The following ZNF138 variants were observed in gnomAD, a reference collection of about 807,000 sequenced individuals.
The protein encoded by ZNF138 is zinc finger protein 138 (clone pHZ-32).
In ZNF138, 33 loss-of-function variants were observed where a neutral mutation model predicts 33.0. The observed-to-expected ratio is 1.00, with a 90% CI of 0.76 to 1.34. ZNF138 has a LOEUF of 1.34. ZNF138 is among the 40% of genes most tolerant of loss of function. The pLI is 0.00. For synonymous variants in ZNF138, 139 were observed against 120.4 expected (o/e 1.15, Z -1.01); for missense variants, 360 against 370.8 (o/e 0.97, Z 0.24).
At chr7:64,827,962 G>T (rs150737685) in intron 3 of ZNF138, among the ~76,000 whole-genome samples, 30 of 152,094 alleles carry the variant, frequency 2.0e-4, no homozygotes, top group African/African-American at 6.7e-4. Context: ...GTCTACTGCC[G>T]ATATAATTCT....
At chr7:64,822,302 C>T (rs1253785155) in intron 3 of ZNF138, among the ~76,000 whole-genome samples, 1 of 151,488 alleles carries the variant, frequency 6.6e-6, no homozygotes, top group African/African-American at 2.4e-5. Context: ...ATATTGAAGT[C>T]TAGTGTAGTT....
At chr7:64,819,581 G>T (rs1788946916) in intron 3 of ZNF138, among the ~76,000 whole-genome samples, 1 of 151,840 alleles carries the variant, frequency 6.6e-6, no homozygotes, top group Non-Finnish European at 1.5e-5. Context: ...GTTGCCCAGG[G>T]TGATCTCAAA....
chr7:64,825,154 CTTTTTTTTTTTTTTTTTTTTTTTT>C (rs71061316), intron 3 of ZNF138, among the ~76,000 whole-genome samples: 8 of 45,988 alleles, frequency 1.7e-4, no homozygotes, highest in South Asian at 2.1e-3. Flanking sequence ...GTTGTATGCT[CTTTTTTTTTTTTTTTTTTTTTTTT>C]TTTTTTTTTT....
At chr7:64,851,461 G>A in the ZNF138 span, among the ~76,000 whole-genome samples, 3 of 152,226 alleles carry the variant, frequency 2.0e-5, no homozygotes, top group East Asian at 5.8e-4. Flanking sequence ...ACAAAATAAT[G>A]CTAAGAATTA....
chr7:64,810,179 A>G (rs1233988289), intron 1 of ZNF138, among the ~76,000 whole-genome samples: 2 of 139,736 alleles, frequency 1.4e-5, no homozygotes, highest in African/African-American at 5.3e-5. Flanking sequence ...TTGAGCACTG[A>G]GTGAACGAGA....
chr7:64,806,900 A>G (rs975131680), intron 1 of ZNF138, among the ~76,000 whole-genome samples: 2 of 152,228 alleles, frequency 1.3e-5, no homozygotes, highest in East Asian at 1.9e-4. Context: ...ACTGGCCCCA[A>G]AAACTGGCCA....
At chr7:64,799,684 C>T (rs1265214628) in intron 1 of ZNF138, among the ~76,000 whole-genome samples, 1 of 152,048 alleles carries the variant, frequency 6.6e-6, no homozygotes, top group Non-Finnish European at 1.5e-5. Context: ...GCTCTTGTTG[C>T]CCAGGCTGGA....
chr7:64,832,230 A>C lies in ZNF138; in HGVS notation c.*28A>C, dbSNP rs750773897. ...ACTTACTGAACATAAGAAAATTTAC[A>C]CTAGAGAGAAAGCCTACAAATGTGA... On this transcript the variant is annotated 3_prime_UTR_variant, in exon 4 of 4. Transcript: ENST00000307355. 2.5e-6 allele frequency: 4 copies of C among 1,602,446 alleles called. No homozygotes were observed.
At position 64,815,563 on chromosome 7, in the gene ZNF138, A is replaced by G. The variant is rs372750425; in HGVS notation, c.131-13A>G. 2.4e-4 allele frequency: 386 copies of G among 1,604,586 alleles called. No individual in the cohort carries two copies. Among genetic ancestry groups the G allele is most frequent in the Middle Eastern group, 1.0e-3 (6 of 6,026 alleles). On this transcript the variant is annotated splice_polypyrimidine_tract_variant and intron_variant, in intron 2 of 3. Transcript: ENST00000307355. ...TATTTTTAATAAAACAAGTATTGCT[A>G]TCTCTAAGCCAGACCTGATTACCTG...
At chr7:64,801,995 C>G (rs1416283692) in intron 1 of ZNF138, among the ~76,000 whole-genome samples, 1 of 152,118 alleles carries the variant, frequency 6.6e-6, no homozygotes, top group Non-Finnish European at 1.5e-5. Flanking sequence ...ATATGAGTGA[C>G]CATGGCCTGT....
At chr7:64,858,362 A>G in the ZNF138 span, among the ~76,000 whole-genome samples, 1 of 152,188 alleles carries the variant, frequency 6.6e-6, no homozygotes, top group African/African-American at 2.4e-5. Flanking sequence ...AAAGAGGAGG[A>G]TGCAGATAGA....
downstream of ZNF138, among the ~76,000 whole-genome samples, chr7:64,834,678 T>A (rs528586027): frequency 7.1e-4 from 108 of 152,280 alleles, 2 homozygotes; most frequent in African/African-American, 2.6e-3. Context: ...GTTTTTGAAT[T>A]TTTCTATGGA....
At position 64,826,382 on chromosome 7, in the gene ZNF138, C is replaced by T. The variant is rs113176166; in HGVS notation, c.209-5069C>T. ...ACAACCTCTGCCTCCCGGGTTCAAG[C>T]GATTCTTCTGCCTTGGCCTCCCAAG... On this transcript the variant is annotated intron_variant, in intron 3 of 3. Transcript: ENST00000307355. Among the ~76,000 whole-genome samples the T allele has an allele frequency of 2.4e-3, 372 of 152,126 alleles. 3 individuals carry two copies. Among genetic ancestry groups the T allele is most frequent in the African/African-American group, 8.4e-3 (348 of 41,528 alleles).
chr7:64,805,740 T>C (rs1045718354), intron 1 of ZNF138, among the ~76,000 whole-genome samples: 4 of 152,206 alleles, frequency 2.6e-5, no homozygotes, highest in Admixed American at 6.5e-5. Flanking sequence ...TCTTCAACCA[T>C]TTCTATAGGA....
chr7:64,803,643 A>G (rs1038321540), intron 1 of ZNF138, among the ~76,000 whole-genome samples: 1 of 152,200 alleles, frequency 6.6e-6, no homozygotes, highest in South Asian at 2.1e-4. Flanking sequence ...TGTGAATATA[A>G]CACCACAATA....
At chr7:64,807,606 A>C (rs1787716817) in intron 1 of ZNF138, among the ~76,000 whole-genome samples, 1 of 152,206 alleles carries the variant, frequency 6.6e-6, no homozygotes, top group African/African-American at 2.4e-5. Flanking sequence ...TAGAATCTAC[A>C]CAGAAGGTGT....
rs1047001101 is a variant in ZNF138 at position 64,810,518 on chromosome 7, C to T, written c.4-4400C>T. Among the ~76,000 whole-genome samples the T allele has an allele frequency of 9.5e-4, 144 of 150,822 alleles. 1 individual carries two copies. The highest frequency in any genetic ancestry group is 2.9e-3 in the African/African-American group (118 of 41,118). On this transcript the variant is annotated intron_variant, in intron 1 of 3. Transcript: ENST00000307355. ...TGCCTTGCTAAGAATACTTATTTGG[C>T]TTCCAATAAAATTACTCTAGAAAAC...
At chr7:64,815,797 A>AAGAC in intron 3 of ZNF138, 144 bp downstream of exon 3, 1 of 683,408 alleles carries the variant, frequency 1.5e-6, no homozygotes, top group Non-Finnish European at 2.4e-6. Flanking sequence ...GCTCTTACAT[A>AAGAC]AGACATCTTC....
rs1416716673 is a variant in ZNF138, at chr7:64,809,956, C to T, written c.4-4962C>T. ...AGGTGGGATGGCGGCCGGGCGGAGA[C>T]GCTCCTCACTTTCCAGACTGGGCAG... is the stretch of plus-strand genomic sequence containing the variant. On this transcript the variant is annotated intron_variant, in intron 1 of 3. Transcript: ENST00000307355. Among the ~76,000 whole-genome samples the T allele has an allele frequency of 9.9e-3, 864 of 87,162 alleles. 25 individuals are homozygous for T. The highest frequency in any genetic ancestry group is 0.038 in the African/African-American group (793 of 21,006). The allele number at this position is 87,162 out of a possible 152,430, so 57.2% of individuals were successfully genotyped here. A position where few individuals can be genotyped will look rare whatever the true frequency, so the allele number is the denominator to read the frequency against.
Sources: allele counts gnomAD v4.1 joint callset (sites outside exome capture counted in the v4.1 genomes callset), GRCh38; gene constraint gnomAD v4.1.1; transcripts MANE v1.5; gene names NCBI Gene and HGNC (gene_info 2026-07-23, HGNC 2026-07-21).